The following NAGLU variants were observed in gnomAD, a reference collection of about 807,000 sequenced individuals.
The protein encoded by NAGLU is alpha-N-acetylglucosaminidase.
Under a neutral mutation model 43.4 loss-of-function variants are expected in NAGLU, and 34 were observed. The ratio of observed to expected loss-of-function variants is 0.78; its 90% CI spans 0.60 to 1.04. The LOEUF is 1.04. NAGLU is among the 50% of genes least tolerant of loss of function. The pLI is 0.00. For synonymous variants in NAGLU, 425 were observed against 437.6 expected, an observed-to-expected ratio of 0.97 and a Z score of 0.36; for missense variants, 910 against 993.7, an observed-to-expected ratio of 0.92 and a Z score of 1.13.
intron 4 of NAGLU, among the ~76,000 whole-genome samples, chr17:42,539,390 C>T (rs920696081): frequency 3.3e-4 from 50 of 152,244 alleles, no homozygotes; most frequent in Non-Finnish European, 1.0e-4. Context: ...TCTGTGCTTC[C>T]CAGCCATCCT....
At position 42,544,298 on chromosome 17, in the gene NAGLU, G is replaced by A; in HGVS notation, c.*60G>A. The A allele has an allele frequency of 6.3e-7, 1 of 1,598,334 alleles. No homozygotes were observed. The highest frequency in any genetic ancestry group is 8.5e-7 in the Non-Finnish European group (1 of 1,179,050). On this transcript the variant is annotated 3_prime_UTR_variant, in exon 6 of 6. Coordinates refer to ENST00000225927, the MANE Select transcript of NAGLU (RefSeq NM_000263.4). Reference sequence around the variant, plus strand: ...ATTCCAGGGCAGATTCCAGGGCCCAGAGCTGGACAGACATCACAGGATAAC... The same window carrying A: ...ATTCCAGGGCAGATTCCAGGGCCCAAAGCTGGACAGACATCACAGGATAAC...
intron 5 of NAGLU, 96 bp from the exon 6 acceptor site, chr17:42,542,932 C>G: frequency 6.4e-7 from 1 of 1,568,008 alleles, no homozygotes; most frequent in Non-Finnish European, 8.7e-7. Flanking sequence ...AAGCCATGAC[C>G]TGGGATAGAC....
At position 42,537,429 on chromosome 17, in the gene NAGLU, A is replaced by AG; in HGVS notation, c.416dup (p.Ser139ArgfsTer53). 1 of 1,614,228 alleles carries AG rather than the reference A, an allele frequency of 6.2e-7. No individual in the cohort carries two copies. Among genetic ancestry groups the AG allele is most frequent in the Non-Finnish European group, 8.5e-7 (1 of 1,180,016 alleles). ...CTATTACCAGAATGTGTGCACGCAA[A>AG]GCTACTCTTTCGTGTGGTGGGACTG... On this transcript the variant is annotated frameshift_variant, in exon 2 of 6. Coordinates refer to ENST00000225927, the MANE Select transcript of NAGLU (RefSeq NM_000263.4). LOFTEE classifies it high-confidence loss of function.
Position 42,536,643 on chromosome 17 carries a change from C to T in NAGLU, c.371C>T (p.Ala124Val). 7 of 1,500,358 alleles carry T rather than the reference C, an allele frequency of 4.7e-6. No homozygotes were observed. The highest frequency in any genetic ancestry group is 5.3e-6 in the Non-Finnish European group (6 of 1,131,594). The allele number at this position is 1,500,358 out of a possible 1,614,324, so 92.9% of individuals were successfully genotyped here. A position where few individuals can be genotyped will look rare whatever the true frequency, so the allele number is the denominator to read the frequency against. Residue 124 changes from alanine (A) to valine (V), a missense_variant, in exon 1 of 6, where the codon GCC (alanine) becomes GTC (valine). Ala to Val is a moderately conservative substitution (Grantham distance 64). Transcript: ENST00000225927. ...GCCGTGCCGGGGGAGCTGACCGAGG[C>T]CACGCCCAACAGGTACCGCCCCGAA... ...LPAVPGELTE[A>V]TPNRYRYYQN...
chr17:42,536,901 G>C (rs554858380), intron 1 of NAGLU: 116 of 788,138 alleles, frequency 1.5e-4, no homozygotes, highest in Non-Finnish European at 2.2e-4. Flanking sequence ...GATGGGCATA[G>C]AATTTGTGGT....
rs1183634153 is a variant in NAGLU at position 42,543,360 on chromosome 17, G to A, written c.1354G>A (p.Glu452Lys). Reference protein sequence around the residue: ...GMAPEGISQNEVVYSLMAELG... With the variant: ...GMAPEGISQNKVVYSLMAELG... ...GGCCCCCGAGGGCATCAGCCAGAACGAAGTGGTCTATTCCCTCATGGCTGA... is the reference window on the plus strand; with the variant it reads ...GGCCCCCGAGGGCATCAGCCAGAACAAAGTGGTCTATTCCCTCATGGCTGA... Residue 452 changes from glutamate to lysine, a missense_variant, in exon 6 of 6, where the codon GAA becomes AAA. Physicochemically the swap from Glu to Lys is moderately conservative, Grantham distance 56 (BLOSUM62 1). Transcript: ENST00000225927. 17 of 1,612,522 alleles carry A rather than the reference G, an allele frequency of 1.1e-5. No homozygotes were observed. Among genetic ancestry groups the A allele is most frequent in the South Asian group, 4.4e-5 (4 of 90,942 alleles).
In NAGLU at chr17:42,543,091, G is replaced by A; in HGVS notation, c.1085G>A (p.Gly362Glu). 1.2e-6 allele frequency: 2 copies of A among 1,611,562 alleles called. No individual in the cohort carries two copies. Among genetic ancestry groups the A allele is most frequent in the Non-Finnish European group, 1.7e-6 (2 of 1,180,034 alleles). ...TTCCAGCACCAGCCGCAGTTCTGGGGGCCCGCCCAGATCAGGGCTGTGCTG... is the reference window on the plus strand; with the variant it reads ...TTCCAGCACCAGCCGCAGTTCTGGGAGCCCGCCCAGATCAGGGCTGTGCTG... ...WLFQHQPQFW[G>E]PAQIRAVLGA... is the part of the protein sequence containing the mutation. The change falls in exon 6 of 6, where the codon GGG (glycine) becomes GAG (glutamate). Residue 362 changes from glycine (G) to glutamate (E), a missense_variant. Coordinates refer to ENST00000225927, the MANE Select transcript of NAGLU (RefSeq NM_000263.4).
rs139195906 is a variant in NAGLU at position 42,544,130 on chromosome 17, C to T, written c.2124C>T (p.Phe708=). ...DKNVFQLEQA[F]VLSKQRYPSQ... ...ATGTCTTCCAACTGGAGCAGGCCTT[C>T]GTTCTCAGCAAGCAGAGGTACCCCA... The change falls in exon 6 of 6, where the codon TTC becomes TTT. Residue 708 remains phenylalanine, a synonymous_variant. Coordinates refer to ENST00000225927, the MANE Select transcript of NAGLU (RefSeq NM_000263.4). 46 of 1,614,070 alleles carry T rather than the reference C, an allele frequency of 2.8e-5. No individual in the cohort carries two copies. The African/African-American group carries it at 4.1e-4, about 14-fold the overall frequency.
chr17:42,541,135 T>TAA lies in NAGLU; in HGVS notation c.950_951insAA (p.Met317IlefsTer23), dbSNP rs1257983011. 1.2e-6 allele frequency: 2 copies of TAA among 1,614,014 alleles called. No individual in the cohort carries two copies. Among genetic ancestry groups the TAA allele is most frequent in the Non-Finnish European group, 1.7e-6 (2 of 1,180,030 alleles). The stretch of plus-strand genomic sequence containing the variant: ...TATGGGGCCGACACTTTCAATGAGA[T>TAA]GCAGCCACCTTCCTCAGAGCCCTCC... On this transcript the variant is annotated frameshift_variant, in exon 5 of 6. Coordinates refer to ENST00000225927, the MANE Select transcript of NAGLU (RefSeq NM_000263.4). LOFTEE classifies it high-confidence loss of function.
Position 42,541,103 on chromosome 17 carries a change from C to CCA in NAGLU, c.921_922dup (p.Ile308ThrfsTer32). ...AGCTGATCAAAGAGTTTGGCACAGACCACATCTATGGGGCCGACACTTTCA... is the reference window on the plus strand; with the variant it reads ...AGCTGATCAAAGAGTTTGGCACAGACCACACATCTATGGGGCCGACACTTTCA... On this transcript the variant is annotated frameshift_variant, in exon 5 of 6. Coordinates refer to ENST00000225927, the MANE Select transcript of NAGLU (RefSeq NM_000263.4). LOFTEE classifies it high-confidence loss of function. 6.2e-7 allele frequency: 1 copy of CCA among 1,614,158 alleles called. No homozygotes were observed. The highest frequency in any genetic ancestry group is 2.2e-5 in the East Asian group (1 of 44,884).
At chr17:42,537,178 C>T in intron 1 of NAGLU, 3 of 616,258 alleles carry the variant, frequency 4.9e-6, no homozygotes, top group South Asian at 1.9e-5. Context: ...CCCAAATACC[C>T]GCCAGGCTAG....
At chr17:42,541,849 C>G (rs767044576) in intron 5 of NAGLU, among the ~76,000 whole-genome samples, 12 of 152,092 alleles carry the variant, frequency 7.9e-5, no homozygotes, top group African/African-American at 2.9e-4. Flanking sequence ...AGCAGCAGCC[C>G]GAGCTGTGAG....
At position 42,536,479 on chromosome 17, in the gene NAGLU, C is replaced by T. The variant is rs1476832275; in HGVS notation, c.207C>T (p.Gly69=). The T allele has an allele frequency of 4.1e-6, 5 of 1,211,370 alleles. No homozygotes were observed. Among genetic ancestry groups the T allele is most frequent in the African/African-American group, 1.6e-5 (1 of 62,480 alleles). 75.0% of individuals were successfully genotyped at this position (1,211,370 alleles called of 1,614,324 possible). Reference sequence around the variant, plus strand: ...GCTTGGACACCTACAGCCTGGGCGGCGGCGGCGCGGCGCGCGTGCGGGTGC... The same window carrying T: ...GCTTGGACACCTACAGCCTGGGCGGTGGCGGCGCGGCGCGCGTGCGGGTGC... ...KPGLDTYSLG[G]GGAARVRVRG... Residue 69 remains glycine (G), a synonymous_variant, in exon 1 of 6, where the codon GGC becomes GGT. Transcript: ENST00000225927.
intron 4 of NAGLU, among the ~76,000 whole-genome samples, chr17:42,539,546 C>T (rs1021117491): frequency 1.4e-4 from 21 of 152,368 alleles, no homozygotes; most frequent in Non-Finnish European, 2.8e-4. Flanking sequence ...TGCCAGTGGC[C>T]TCCCTGCCCG....
Position 42,537,356 on chromosome 17 carries a change from C to T in NAGLU, c.384-42C>T, listed in dbSNP as rs539517103. 38 of 1,613,348 alleles carry T rather than the reference C, an allele frequency of 2.4e-5. 1 individual carries two copies. In the South Asian group the frequency reaches 2.4e-4, roughly 10 times the overall value. Reference sequence around the variant, plus strand: ...GGGATTTGTTCCAGGGCCGTGGACCCTCCAGGGTGGGATGCGCCCCTGCTC... The same window carrying T: ...GGGATTTGTTCCAGGGCCGTGGACCTTCCAGGGTGGGATGCGCCCCTGCTC... On this transcript the variant is annotated intron_variant, in intron 1 of 5. Transcript: ENST00000225927.
At position 42,541,144 on chromosome 17, in the gene NAGLU, C is replaced by T. The variant is rs2092920790; in HGVS notation, c.959C>T (p.Pro320Leu). Residue 320 changes from proline (P) to leucine (L), a missense_variant, in exon 5 of 6, where the codon CCT (proline) becomes CTT (leucine). Transcript: ENST00000225927. ...GADTFNEMQP[P>L]SSEPSYLAAA... ...GACACTTTCAATGAGATGCAGCCAC[C>T]TTCCTCAGAGCCCTCCTACCTTGCC... The T allele has an allele frequency of 6.2e-7, 1 of 1,613,844 alleles. No individual in the cohort carries two copies. The highest frequency in any genetic ancestry group is 1.3e-5 in the African/African-American group (1 of 74,942).
Position 42,538,654 on chromosome 17 carries a change from C to T in NAGLU, c.679-16C>T, listed in dbSNP as rs2092913649. 3.7e-6 allele frequency: 6 copies of T among 1,613,922 alleles called. No individual in the cohort carries two copies. The highest frequency in any genetic ancestry group is 4.2e-6 in the Non-Finnish European group (5 of 1,180,018). ...AGCAGTGGCCATGCTCACCACCCTT[C>T]CTTCTGTTCCTCCAGCACCGGGTCC... On this transcript the variant is annotated splice_polypyrimidine_tract_variant and intron_variant, in intron 3 of 5. Transcript: ENST00000225927.
Position 42,536,419 on chromosome 17 carries a change from C to T in NAGLU, c.147C>T (p.Ser49=), listed in dbSNP as rs1312501106. 3 of 1,248,680 alleles carry T rather than the reference C, an allele frequency of 2.4e-6. No homozygotes were observed. The highest frequency in any genetic ancestry group is 2.0e-6 in the Non-Finnish European group (2 of 987,006). 77.4% of individuals were successfully genotyped at this position (1,248,680 alleles called of 1,614,324 possible). ...LLGPGPAADF[S]VSVERALAAK... Reference sequence around the variant, plus strand: ...GGCCAGGCCCCGCGGCCGACTTCTCCGTGTCGGTGGAGCGCGCTCTGGCTG... The same window carrying T: ...GGCCAGGCCCCGCGGCCGACTTCTCTGTGTCGGTGGAGCGCGCTCTGGCTG... Residue 49 remains serine, a synonymous_variant, in exon 1 of 6, where the codon TCC becomes TCT. Transcript: ENST00000225927.
In NAGLU at chr17:42,536,258, C is replaced by G; in HGVS notation, c.-15C>G. ...CCCACCCCCTGGCCGTCGCGGGACC[C>G]GCAGGACTGAGACCATGGAGGCGGT... On this transcript the variant is annotated 5_prime_UTR_variant, in exon 1 of 6. Coordinates refer to ENST00000225927, the MANE Select transcript of NAGLU (RefSeq NM_000263.4). 8.2e-7 allele frequency: 1 copy of G among 1,217,366 alleles called. No homozygotes were observed. The highest frequency in any genetic ancestry group is 4.1e-5 in the South Asian group (1 of 24,196). 75.4% of individuals were successfully genotyped at this position (1,217,366 alleles called of 1,614,324 possible).
Sources: gnomAD v4.1 joint callset for allele counts (sites outside exome capture counted in the v4.1 genomes callset) on GRCh38, gnomAD v4.1.1 for gene constraint, MANE v1.5 for transcripts, NCBI Gene and HGNC (gene_info 2026-07-23, HGNC 2026-07-21) for gene names.